The following MAP2 variants were observed in gnomAD, a reference collection of about 807,000 sequenced individuals.
MAP2 encodes microtubule-associated protein 2.
Under a neutral mutation model 137.6 loss-of-function variants are expected in MAP2, and 14 were observed. The observed-to-expected ratio is 0.10, with a 90% CI of 0.07 to 0.16. The LOEUF is 0.16. Ranked by LOEUF, MAP2 falls within the 10% of genes least tolerant of loss-of-function variation. MAP2 has a pLI of 1.00. For missense variants in MAP2, 2,088 were observed against 2,191.5 expected (o/e 0.95, Z 0.94); for synonymous variants, 786 against 782.3 (o/e 1.00, Z -0.08).
intron 5 of MAP2, chr2:209,661,679 G>T (rs1468483495): frequency 1.0e-6 from 1 of 985,314 alleles, no homozygotes; most frequent in Non-Finnish European, 1.2e-6. Flanking sequence ...GTTCCACGAG[G>T]TTTGTATTGT....
chr2:209,447,579 A>T (rs1488531012), intron 1 of MAP2, among the ~76,000 whole-genome samples: 1 of 152,046 alleles, frequency 6.6e-6, no homozygotes, highest in African/African-American at 2.4e-5. Flanking sequence ...TGTTTAGAGG[A>T]TCTTAAGGGA....
Position 209,710,328 on chromosome 2 carries a change from A to G in MAP2, c.5073+74A>G, listed in dbSNP as rs112294940. 8.2e-4 allele frequency: 1,037 copies of G among 1,258,376 alleles called. 6 individuals are homozygous for G. The African/African-American group carries it at 0.014, about 16-fold the overall frequency. The allele number at this position is 1,258,376 out of a possible 1,614,324, so 78.0% of individuals were successfully genotyped here. A position where few individuals can be genotyped will look rare whatever the true frequency, so the allele number is the denominator to read the frequency against. On this transcript the variant is annotated intron_variant, in intron 13 of 15. Transcript: ENST00000682079. ...TGCCTTCTTCATATTGAAAACTAACAGTTCTTAAAAGGGAAGCAGAGGTGT... is the reference window on the plus strand; with the variant it reads ...TGCCTTCTTCATATTGAAAACTAACGGTTCTTAAAAGGGAAGCAGAGGTGT...
chr2:209,534,006 G>C (rs932771566), intron 2 of MAP2, among the ~76,000 whole-genome samples: 2 of 152,194 alleles, frequency 1.3e-5, no homozygotes, highest in Non-Finnish European at 2.9e-5. Context: ...CATCCCAAGA[G>C]ACCTGGCTTC....
At chr2:209,619,846 C>T (rs1434786663) in intron 3 of MAP2, among the ~76,000 whole-genome samples, 2 of 152,126 alleles carry the variant, frequency 1.3e-5, no homozygotes, top group African/African-American at 2.4e-5. Context: ...TATCAGATAT[C>T]CATTTATCCC....
chr2:209,565,595 T>C (rs907404499), intron 2 of MAP2, among the ~76,000 whole-genome samples: 3 of 152,212 alleles, frequency 2.0e-5, no homozygotes, highest in African/African-American at 7.2e-5. Context: ...TTATAGCTTC[T>C]TTAAAATGTC....
At chr2:209,604,646 G>A (rs1026855179) in intron 3 of MAP2, among the ~76,000 whole-genome samples, 5 of 152,132 alleles carry the variant, frequency 3.3e-5, no homozygotes, top group African/African-American at 1.2e-4. Context: ...TTTTATGGAG[G>A]TCTTTTCAAA....
chr2:209,721,195 A>T (rs1407633111), intron 13 of MAP2, among the ~76,000 whole-genome samples: 1 of 152,194 alleles, frequency 6.6e-6, no homozygotes, highest in Non-Finnish European at 1.5e-5. Context: ...GTAACTCTTC[A>T]TGAGCACTAA....
intron 2 of MAP2, among the ~76,000 whole-genome samples, chr2:209,523,168 C>A (rs2063523124): frequency 6.6e-6 from 1 of 152,070 alleles, no homozygotes; most frequent in Non-Finnish European, 1.5e-5. Flanking sequence ...GTCTTTCCTA[C>A]AGTGGGCGAG....
At chr2:209,634,809 A>G (rs2093414868) in intron 4 of MAP2, among the ~76,000 whole-genome samples, 1 of 152,196 alleles carries the variant, frequency 6.6e-6, no homozygotes, top group African/African-American at 2.4e-5. Context: ...TGTAACTTCA[A>G]TATCATGTTA....
intron 13 of MAP2, among the ~76,000 whole-genome samples, chr2:209,711,604 C>CTATA (rs1344599731): frequency 6.6e-6 from 1 of 152,114 alleles, no homozygotes; most frequent in Non-Finnish European, 1.5e-5. Context: ...AATTATAAGC[C>CTATA]TATAATTCCT....
chr2:209,434,771 A>G (rs1320248982), intron 1 of MAP2, among the ~76,000 whole-genome samples: 1 of 149,434 alleles, frequency 6.7e-6, no homozygotes, highest in East Asian at 2.0e-4. Context: ...ACAGTGAGCT[A>G]TGATTGTGCC....
intron 4 of MAP2, among the ~76,000 whole-genome samples, chr2:209,648,218 C>T (rs1340643984): frequency 6.6e-6 from 1 of 151,798 alleles, no homozygotes; most frequent in East Asian, 1.9e-4. Context: ...TCTTCTGCCT[C>T]AGCCTCCCAA....
intron 5 of MAP2, among the ~76,000 whole-genome samples, chr2:209,657,870 C>CT (rs1054871401): frequency 5.3e-5 from 8 of 152,030 alleles, no homozygotes; most frequent in Non-Finnish European, 1.2e-4. Context: ...TTTTCCTGGG[C>CT]TTTTTTTCTA....
At chr2:209,489,892 TC>T (rs1198060670) in intron 1 of MAP2, among the ~76,000 whole-genome samples, 1 of 151,898 alleles carries the variant, frequency 6.6e-6, no homozygotes, top group Non-Finnish European at 1.5e-5. Flanking sequence ...CAGGAGAACT[TC>T]CCCAACCTAG....
chr2:209,525,028 T>C (rs1459639843), intron 2 of MAP2, among the ~76,000 whole-genome samples: 1 of 152,116 alleles, frequency 6.6e-6, no homozygotes, highest in African/African-American at 2.4e-5. Flanking sequence ...TGGGTTTTCT[T>C]GTATATAAAT....
At chr2:209,636,515 A>T (rs2093577750) in intron 4 of MAP2, among the ~76,000 whole-genome samples, 1 of 151,618 alleles carries the variant, frequency 6.6e-6, no homozygotes, top group African/African-American at 2.4e-5. Context: ...TTTTAAAAGC[A>T]AGGGGGATTG....
chr2:209,680,167 A>T (rs1488074645), intron 6 of MAP2, among the ~76,000 whole-genome samples: 1 of 152,174 alleles, frequency 6.6e-6, no homozygotes, highest in Non-Finnish European at 1.5e-5. Flanking sequence ...TTTGTCTGAA[A>T]GTTCACTCAG....
chr2:209,570,759 A>T (rs144725233), intron 2 of MAP2, among the ~76,000 whole-genome samples: 1 of 152,066 alleles, frequency 6.6e-6, no homozygotes, highest in Non-Finnish European at 1.5e-5. Flanking sequence ...ACCTAAAAGG[A>T]AATGTAAGAT....
At chr2:209,442,087 T>C (rs1021778984) in intron 1 of MAP2, among the ~76,000 whole-genome samples, 1 of 151,616 alleles carries the variant, frequency 6.6e-6, no homozygotes, top group African/African-American at 2.4e-5. Flanking sequence ...AATTAGTTTT[T>C]ATTATGTTTT....
Sources: allele counts gnomAD v4.1 joint callset (sites outside exome capture counted in the v4.1 genomes callset), GRCh38; gene constraint gnomAD v4.1.1; transcripts MANE v1.5; gene names NCBI Gene and HGNC (gene_info 2026-07-23, HGNC 2026-07-21).